The following SPTBN5 variants were observed in gnomAD, a reference collection of about 807,000 sequenced individuals.
SPTBN5 encodes the protein spectrin beta chain, non-erythrocytic 5.
Under a neutral mutation model 477.6 loss-of-function variants are expected in SPTBN5, and 513 were observed. The ratio of observed to expected loss-of-function variants is 1.07; its 90% confidence interval spans 1.00 to 1.16. SPTBN5 has a LOEUF of 1.16. Among genes scored for constraint, SPTBN5 ranks in the 50% most tolerant of loss-of-function variants. The probability of loss-of-function intolerance (pLI) is 0.00; values close to 1 mark genes in which losing one functional copy is unlikely to be tolerated. For synonymous variants in SPTBN5, 2,169 were observed against 2,011.7 expected, an observed-to-expected ratio of 1.08 and a Z score of -2.09; for missense variants, 5,062 against 4,731.8, an observed-to-expected ratio of 1.07 and a Z score of -2.05.
In SPTBN5 at chr15:41,887,365, C is replaced by A; in HGVS notation, c.736G>T (p.Glu246Ter). ...HNLAFAFLVA[E>*]QELGIAQLLD... Reference sequence around the variant, plus strand: ...AGCTGAGCAATGCCCAGCTCCTGCTCAGCCACCAGGAAAGCAAAAGCAAGG... The same window carrying A: ...AGCTGAGCAATGCCCAGCTCCTGCTAAGCCACCAGGAAAGCAAAAGCAAGG... The change falls in exon 6 of 68, where the codon GAG (glutamate) becomes TAG (stop). Residue 246 changes from glutamate (E) to a stop codon, truncating the protein, a stop_gained. Coordinates refer to ENST00000320955, the MANE Select transcript of SPTBN5 (RefSeq NM_016642.4). LOFTEE classifies it high-confidence loss of function. The A allele has an allele frequency of 6.4e-7, 1 of 1,553,310 alleles. No homozygotes were observed. Among genetic ancestry groups the A allele is most frequent in the South Asian group, 1.2e-5 (1 of 84,108 alleles).
At position 41,879,752 on chromosome 15, in the gene SPTBN5, T is replaced by C. The variant is rs760003271; in HGVS notation, c.2924A>G (p.Gln975Arg). The C allele has an allele frequency of 7.4e-6, 12 of 1,613,920 alleles. No individual in the cohort carries two copies. Among genetic ancestry groups the C allele is most frequent in the Non-Finnish European group, 9.3e-6 (11 of 1,179,876 alleles). Residue 975 changes from glutamine to arginine, a missense_variant, in exon 15 of 68, where the codon CAG (glutamine) becomes CGG (arginine). Coordinates refer to ENST00000320955, the MANE Select transcript of SPTBN5 (RefSeq NM_016642.4). ...PGNSTQIQRQ[Q>R]EELSQRWGQL... Reference sequence around the variant, plus strand: ...TTCTCACCTCTGGCTCAGTTCCTCCTGCTGTCGTTGGATTTGTGTGGAGTT... The same window carrying C: ...TTCTCACCTCTGGCTCAGTTCCTCCCGCTGTCGTTGGATTTGTGTGGAGTT...
chr15:41,882,411 C>A lies in SPTBN5; in HGVS notation c.2105G>T (p.Gly702Val). The part of the protein sequence containing the change: ...QAVCVDLVRR[G>V]RDLSARRPPT... ...GGGCCTGCGGGCGCTGAGGTCGCGTCCCCTCCGCACGAGATCTACGCACAC... is the reference window on the plus strand; with the variant it reads ...GGGCCTGCGGGCGCTGAGGTCGCGTACCCTCCGCACGAGATCTACGCACAC... The change falls in exon 11 of 68, where the codon GGA becomes GTA. Residue 702 changes from glycine to valine, a missense_variant. Gly to Val is a moderately radical substitution (Grantham distance 109). Coordinates refer to ENST00000320955, the MANE Select transcript of SPTBN5 (RefSeq NM_016642.4). 1 of 1,542,862 alleles carries A rather than the reference C, an allele frequency of 6.5e-7. No homozygotes were observed. The highest frequency in any genetic ancestry group is 1.4e-5 in the African/African-American group (1 of 73,378).
chr15:41,854,118 T>C lies in SPTBN5; in HGVS notation c.9706A>G (p.Lys3236Glu). Residue 3236 changes from lysine (K) to glutamate (E), a missense_variant, in exon 57 of 68, where the codon AAG (lysine) becomes GAG (glutamate). Lys to Glu is a moderately conservative substitution (Grantham distance 56). Coordinates refer to ENST00000320955, the MANE Select transcript of SPTBN5 (RefSeq NM_016642.4). ...GRMQEKTALM[K>E]GEDGGHSLSS... ...AGGCTGTGGCCTCCGTCCTCCCCCTTCATCAGGGCCGTCTTCTCCTGCATC... is the reference window on the plus strand; with the variant it reads ...AGGCTGTGGCCTCCGTCCTCCCCCTCCATCAGGGCCGTCTTCTCCTGCATC... 2.5e-6 allele frequency: 4 copies of C among 1,589,370 alleles called. No individual in the cohort carries two copies. The highest frequency in any genetic ancestry group is 3.4e-6 in the Non-Finnish European group (4 of 1,168,630).
At position 41,857,299 on chromosome 15, in the gene SPTBN5, C is replaced by A. The variant is rs754790587; in HGVS notation, c.8560G>T (p.Val2854Leu). The stretch of plus-strand genomic sequence containing the variant: ...TGGGCAAGGCAGTGGCCTTCCCTCA[C>A]AAAGGCCTGGGCCTGGCCCAGCAGT... ...EALLGQAQAF[V>L]REGHCLAQDV... is the part of the protein sequence containing the mutation. The change falls in exon 51 of 68, where the codon GTG (valine) becomes TTG (leucine). Residue 2854 changes from valine (V) to leucine (L), a missense_variant. Transcript: ENST00000320955. 1 of 1,571,670 alleles carries A rather than the reference C, an allele frequency of 6.4e-7. No homozygotes were observed. The highest frequency in any genetic ancestry group is 8.6e-7 in the Non-Finnish European group (1 of 1,158,970).
Position 41,873,925 on chromosome 15 carries a change from G to C in SPTBN5, c.4810C>G (p.Leu1604Val), listed in dbSNP as rs2066628041. 1 of 1,610,880 alleles carries C rather than the reference G, an allele frequency of 6.2e-7. No homozygotes were observed. Among genetic ancestry groups the C allele is most frequent in the African/African-American group, 1.3e-5 (1 of 75,054 alleles). Residue 1604 changes from leucine to valine, a missense_variant, in exon 25 of 68, where the codon CTG becomes GTG. Leu to Val is a conservative substitution (Grantham distance 32). Transcript: ENST00000320955. Reference sequence around the variant, plus strand: ...TCCAGCTCTGCCCAGTGGCCTTCCAGCTCCTGGCACTGCTCCACGATGTGT... The same window carrying C: ...TCCAGCTCTGCCCAGTGGCCTTCCACCTCCTGGCACTGCTCCACGATGTGT... ...AQHIVEQCQE[L>V]EGHWAELERA... is the part of the protein sequence containing the mutation.
intron 55 of SPTBN5, 49 bp from the exon 56 acceptor site, chr15:41,855,025 C>T: frequency 1.3e-6 from 2 of 1,497,938 alleles, no homozygotes; most frequent in East Asian, 2.3e-5. Flanking sequence ...GTATCATGAG[C>T]TCTCAAAGCT....
chr15:41,886,235 G>A lies in SPTBN5; in HGVS notation c.1020C>T (p.Ala340=). 1 of 1,613,122 alleles carries A rather than the reference G, an allele frequency of 6.2e-7. No individual in the cohort carries two copies. The highest frequency in any genetic ancestry group is 8.5e-7 in the Non-Finnish European group (1 of 1,179,896). ...EARDFPDSLP[A]MRQLLAAFTI... ...TGAATGCTGCCAGTAGCTGCCGCAT[G>A]GCGGGCAGCGAGTCTGGAAAATCCC... Residue 340 remains alanine, a synonymous_variant, in exon 7 of 68, where the codon GCC becomes GCT. Coordinates refer to ENST00000320955, the MANE Select transcript of SPTBN5 (RefSeq NM_016642.4).
intron 67 of SPTBN5, among the ~76,000 whole-genome samples, chr15:41,848,977 A>T (rs1187056576): frequency 6.6e-6 from 1 of 152,188 alleles, no homozygotes; most frequent in African/African-American, 2.4e-5. Context: ...TAAATCATAT[A>T]TTGGGCTCTG....
Position 41,873,940 on chromosome 15 carries a change from C to G in SPTBN5, c.4795G>C (p.Glu1599Gln). Residue 1599 changes from glutamate (E) to glutamine (Q), a missense_variant, in exon 25 of 68, where the codon GAG becomes CAG. Glu to Gln is a conservative substitution (Grantham distance 29). Coordinates refer to ENST00000320955, the MANE Select transcript of SPTBN5 (RefSeq NM_016642.4). ...SGHPQAQHIV[E>Q]QCQELEGHWA... ...TGGCCTTCCAGCTCCTGGCACTGCT[C>G]CACGATGTGTTGGGCTTGGGGGTGC... is the stretch of plus-strand genomic sequence containing the variant. 2 of 1,610,304 alleles carry G rather than the reference C, an allele frequency of 1.2e-6. No individual in the cohort carries two copies. The highest frequency in any genetic ancestry group is 8.5e-7 in the Non-Finnish European group (1 of 1,179,878).
chr15:41,855,001 G>C (rs540256387), intron 55 of SPTBN5, 25 bp from the exon 56 acceptor site: 135 of 1,516,734 alleles, frequency 8.9e-5, no homozygotes, highest in Middle Eastern at 5.3e-4. Context: ...GGCCCAGCAG[G>C]GTCACTTGAG....
At chr15:41,859,616 G>T (rs1030621805) in intron 47 of SPTBN5, among the ~76,000 whole-genome samples, 2 of 152,216 alleles carry the variant, frequency 1.3e-5, no homozygotes, top group Non-Finnish European at 2.9e-5. Context: ...CACAAGCACA[G>T]GGGGACGATC....
At chr15:41,857,824 A>G (rs2065973407) in intron 49 of SPTBN5, 114 bp from the exon 50 acceptor site, 1 of 1,313,956 alleles carries the variant, frequency 7.6e-7, no homozygotes, top group East Asian at 2.5e-5. Flanking sequence ...GTCCAGCTGC[A>G]TGATCTTGAG....
intron 46 of SPTBN5, 27 bp from the exon 47 acceptor site, chr15:41,860,785 G>C (rs1336927169): frequency 6.7e-7 from 1 of 1,487,232 alleles, no homozygotes; most frequent in Non-Finnish European, 9.0e-7. Flanking sequence ...ACCCAATACT[G>C]TCCATGAGCC....
chr15:41,853,118 C>G, intron 59 of SPTBN5, 118 bp from the exon 60 acceptor site: 1 of 1,435,772 alleles, frequency 7.0e-7, no homozygotes, highest in South Asian at 1.4e-5. Flanking sequence ...AGACCCGCAC[C>G]TGCCCCTTCC....
chr15:41,877,125 G>C lies in SPTBN5; in HGVS notation c.3702C>G (p.Asp1234Glu). Residue 1234 changes from aspartate to glutamate, a missense_variant, in exon 18 of 68, where the codon GAC becomes GAG. Transcript: ENST00000320955. Reference sequence around the variant, plus strand: ...CATTCCTGCTCCATACCCCAAGGTTGTCCAGGTGCAGCCAGGCCTGGTGGT... The same window carrying C: ...CATTCCTGCTCCATACCCCAAGGTTCTCCAGGTGCAGCCAGGCCTGGTGGT... ...CANHQAWLHL[D>E]NLGEDVREAL... The C allele has an allele frequency of 6.2e-7, 1 of 1,613,898 alleles. No individual in the cohort carries two copies. Among genetic ancestry groups the C allele is most frequent in the Non-Finnish European group, 8.5e-7 (1 of 1,179,836 alleles).
intron 56 of SPTBN5, 100 bp downstream of exon 56, chr15:41,854,682 G>A (rs899133308): frequency 2.0e-6 from 2 of 1,024,774 alleles, no homozygotes; most frequent in Non-Finnish European, 2.8e-6. Context: ...CCAGCAGGGT[G>A]TGTGTCTTGT....
In SPTBN5 at chr15:41,860,584, A is replaced by AC; in HGVS notation, c.7988+1dup. On this transcript the variant is annotated splice_donor_variant, in intron 47 of 67. Transcript: ENST00000320955. LOFTEE classifies it high-confidence loss of function. The stretch of plus-strand genomic sequence containing the variant: ...CACCCCTCACCCCAGAGCCACCACT[A>AC]CCTCAGAAGCATGGCCTGGCACCTG... The AC allele has an allele frequency of 7.0e-7, 1 of 1,422,482 alleles. No individual in the cohort carries two copies. The highest frequency in any genetic ancestry group is 2.8e-5 in the East Asian group (1 of 35,338). 88.1% of individuals were successfully genotyped at this position (1,422,482 alleles called of 1,614,324 possible).
At position 41,857,699 on chromosome 15, in the gene SPTBN5, C is replaced by T. The variant is rs1188340526; in HGVS notation, c.8238G>A (p.Arg2746=). The change falls in exon 50 of 68, where the codon AGG becomes AGA. Residue 2746 remains arginine (R), a synonymous_variant. Transcript: ENST00000320955. ...QQQELQREGQ[R]LLQGGHPASE... ...AGGCTGGGTGGCCCCCCTGCAGCAG[C>T]CTCTGTCCCTCCTGCAGCCACAACA... 6.4e-7 allele frequency: 1 copy of T among 1,574,474 alleles called. No individual in the cohort carries two copies. Among genetic ancestry groups the T allele is most frequent in the Non-Finnish European group, 8.6e-7 (1 of 1,162,322 alleles).
chr15:41,850,485 T>A (rs1267417016), intron 66 of SPTBN5: 1 of 261,504 alleles, frequency 3.8e-6, no homozygotes, highest in African/African-American at 2.2e-5. Flanking sequence ...GACTAGAAGG[T>A]TAGAGAAGCA....
Sources: allele counts gnomAD v4.1 joint callset (sites outside exome capture counted in the v4.1 genomes callset), GRCh38; gene constraint gnomAD v4.1.1; transcripts MANE v1.5; gene names NCBI Gene and HGNC (gene_info 2026-07-23, HGNC 2026-07-21).